The following KSR1 variants were observed in gnomAD, a reference collection of about 807,000 sequenced individuals.
The protein encoded by KSR1 is kinase suppressor of ras 1.
Under a neutral mutation model 92.9 loss-of-function variants are expected in KSR1, and 35 were observed. The ratio of observed to expected loss-of-function variants is 0.38; its 90% CI spans 0.29 to 0.50. KSR1 has a LOEUF of 0.50. KSR1 is among the 20% of genes least tolerant of loss of function. KSR1 has a pLI of 0.94. For missense variants in KSR1, 972 were observed against 1,158.5 expected (o/e 0.84, Z 2.34); for synonymous variants, 467 against 472.6 (o/e 0.99, Z 0.15).
At chr17:27,554,311 G>A (rs775632713) in intron 2 of KSR1, among the ~76,000 whole-genome samples, 1 of 152,186 alleles carries the variant, frequency 6.6e-6, no homozygotes, top group Non-Finnish European at 1.5e-5. Flanking sequence ...CTAGGCATAC[G>A]TGGGTTGTCA....
At chr17:27,554,492 G>A (rs1163934711) in intron 2 of KSR1, among the ~76,000 whole-genome samples, 2 of 152,318 alleles carry the variant, frequency 1.3e-5, no homozygotes, top group Non-Finnish European at 2.9e-5. Context: ...GATTCTCACA[G>A]GAGCACAAAC....
At chr17:27,593,864 A>G (rs545096594) in intron 9 of KSR1, among the ~76,000 whole-genome samples, 1 of 152,328 alleles carries the variant, frequency 6.6e-6, no homozygotes, top group East Asian at 1.9e-4. Flanking sequence ...TGTCTTGGGA[A>G]GGTCCACCTT....
rs2151207352 is a variant in KSR1 at position 27,597,389 on chromosome 17, C to T, written c.1421C>T (p.Pro474Leu). 1 of 1,613,346 alleles carries T rather than the reference C, an allele frequency of 6.2e-7. No individual in the cohort carries two copies. Among genetic ancestry groups the T allele is most frequent in the African/African-American group, 1.3e-5 (1 of 75,036 alleles). ...TSSNPSSATT[P>L]PNPSPGQRDS... ...TCCAACCCATCCAGCGCCACCACGC[C>T]CCCCAACCCCTCACCTGGCCAGCGG... is the stretch of plus-strand genomic sequence containing the variant. Residue 474 changes from proline (P) to leucine (L), a missense_variant, in exon 10 of 21, where the codon CCC (proline) becomes CTC (leucine). Pro to Leu is a moderately conservative substitution (Grantham distance 98, BLOSUM62 -3). Around this residue, in one of 5 missense-constraint regions of KSR1, gnomAD observed 611 missense variants for 668.0 expected, o/e 0.91. Coordinates refer to ENST00000644974, the MANE Select transcript of KSR1 (RefSeq NM_001394583.1).
intron 1 of KSR1, among the ~76,000 whole-genome samples, chr17:27,495,504 C>A (rs1044301250): frequency 1.3e-5 from 2 of 152,124 alleles, no homozygotes; most frequent in African/African-American, 4.8e-5. Context: ...CCCTTAGTAT[C>A]CTTGGGATAT....
chr17:27,547,669 A>C (rs1035701110), intron 1 of KSR1, among the ~76,000 whole-genome samples: 1 of 152,152 alleles, frequency 6.6e-6, no homozygotes, highest in Non-Finnish European at 1.5e-5. Flanking sequence ...CCCAGGCTGA[A>C]GTGCAGTCAG....
At chr17:27,522,652 CT>C (rs1377871492) in intron 1 of KSR1, among the ~76,000 whole-genome samples, 1 of 152,116 alleles carries the variant, frequency 6.6e-6, no homozygotes, top group African/African-American at 2.4e-5. Context: ...TTGGAGAGGG[CT>C]TGAGTGAGTA....
chr17:27,508,581 T>C (rs1266975972), intron 1 of KSR1, among the ~76,000 whole-genome samples: 1 of 152,206 alleles, frequency 6.6e-6, no homozygotes, highest in Middle Eastern at 3.4e-3. Flanking sequence ...AACCCTCAGT[T>C]TCCTGATGAA....
chr17:27,564,931 T>G (rs1567833460), intron 2 of KSR1, among the ~76,000 whole-genome samples: 2 of 152,140 alleles, frequency 1.3e-5, no homozygotes, highest in Non-Finnish European at 2.9e-5. Flanking sequence ...GAGCCCACCC[T>G]CCAGTTTTTG....
chr17:27,572,698 A>G (rs2072357230), intron 2 of KSR1, among the ~76,000 whole-genome samples: 1 of 152,224 alleles, frequency 6.6e-6, no homozygotes, highest in Admixed American at 6.5e-5. Flanking sequence ...TTTTTGGTTT[A>G]GAGATGATCC....
chr17:27,570,028 C>T (rs915257361), intron 2 of KSR1, among the ~76,000 whole-genome samples: 6 of 152,152 alleles, frequency 3.9e-5, no homozygotes, highest in Admixed American at 3.9e-4. Context: ...TTGAAAAGTG[C>T]CAGCCTCCTC....
At chr17:27,590,654 G>A (rs2073132975) in intron 6 of KSR1, among the ~76,000 whole-genome samples, 157 bp from the exon 7 acceptor site, 2 of 152,230 alleles carry the variant, frequency 1.3e-5, no homozygotes, top group Admixed American at 1.3e-4. Flanking sequence ...GAGAAGCAGT[G>A]GCCCGTGGGT....
At chr17:27,603,546 TGAG>T (rs1423433030) in intron 11 of KSR1, among the ~76,000 whole-genome samples, 3 of 152,150 alleles carry the variant, frequency 2.0e-5, no homozygotes, top group Non-Finnish European at 4.4e-5. Context: ...GTGGTGGTAA[TGAG>T]AAGTCTCACC....
intron 1 of KSR1, among the ~76,000 whole-genome samples, chr17:27,536,574 G>A (rs1018927903): frequency 6.6e-6 from 1 of 152,200 alleles, no homozygotes; most frequent in Non-Finnish European, 1.5e-5. Context: ...ATCTGATCAC[G>A]TTTTTCCCTT....
chr17:27,573,733 T>G (rs969938018), intron 2 of KSR1, among the ~76,000 whole-genome samples: 9 of 152,236 alleles, frequency 5.9e-5, no homozygotes, highest in African/African-American at 2.2e-4. Context: ...TTTGGAATCG[T>G]GCGCACGTGG....
intron 7 of KSR1, 21 bp downstream of exon 7, chr17:27,590,915 G>A (rs543824081): frequency 1.3e-6 from 2 of 1,594,864 alleles, no homozygotes; most frequent in Non-Finnish European, 1.7e-6. Flanking sequence ...GAGGAGTGGG[G>A]GTGGGGGGAG....
chr17:27,457,708 T>C (rs1409275018), intron 1 of KSR1, among the ~76,000 whole-genome samples: 1 of 152,188 alleles, frequency 6.6e-6, no homozygotes, highest in Non-Finnish European at 1.5e-5. Flanking sequence ...TGGGGCACCC[T>C]GTCCATACAC....
chr17:27,613,953 C>T (rs916113938), intron 18 of KSR1, among the ~76,000 whole-genome samples: 1 of 152,168 alleles, frequency 6.6e-6, no homozygotes, highest in African/African-American at 2.4e-5. Flanking sequence ...AAGCATGCAC[C>T]AAAATATCCA....
intron 1 of KSR1, among the ~76,000 whole-genome samples, chr17:27,501,222 G>A (rs558427086): frequency 2.0e-5 from 3 of 148,572 alleles, no homozygotes; most frequent in South Asian, 4.3e-4. Context: ...CTTGACCAAG[G>A]CTATATATTA....
chr17:27,534,652 T>C (rs2070692856), intron 1 of KSR1, among the ~76,000 whole-genome samples: 1 of 152,248 alleles, frequency 6.6e-6, no homozygotes, highest in Non-Finnish European at 1.5e-5. Context: ...AGCGGCATCC[T>C]GTTGCCTGAG....
Sources: gnomAD v4.1 joint callset for allele counts (sites outside exome capture counted in the v4.1 genomes callset) on GRCh38, gnomAD v4.1.1 for gene constraint, gnomAD v4.1.1 regional missense constraint, MANE v1.5 for transcripts, NCBI Gene and HGNC (gene_info 2026-07-23, HGNC 2026-07-21) for gene names.